Variants in PPP2R2A observed in about 807,000 individuals in gnomAD.
PPP2R2A encodes the protein serine/threonine-protein phosphatase 2A 55 kDa regulatory subunit B alpha isoform.
A neutral mutation model predicts 53.2 loss-of-function variants in PPP2R2A; 9 were observed. That is an observed-to-expected ratio of 0.17 (90% CI 0.10 to 0.30). The LOEUF (loss-of-function observed/expected upper bound fraction) is 0.30, where lower values mean the gene tolerates loss of function less well. PPP2R2A is among the 10% of genes least tolerant of loss of function. The pLI, the probability that PPP2R2A is intolerant of heterozygous loss-of-function variation, is 1.00. For missense variants in PPP2R2A, 235 were observed against 534.6 expected (o/e 0.44, Z 5.53); for synonymous variants, 169 against 174.2 (o/e 0.97, Z 0.23).
rs771837510 is a variant in PPP2R2A at position 26,366,410 on chromosome 8, A to T, written c.1064+4A>T. ...GTTGTTGGAATGGATCTGACAGGTA[A>T]TTAAGTCAAACCTCTCAAATATGAA... On this transcript the variant is annotated splice_donor_region_variant and intron_variant, in intron 9 of 9. Transcript: ENST00000380737. 3.8e-6 allele frequency: 6 copies of T among 1,566,862 alleles called. No homozygotes were observed. Among genetic ancestry groups the T allele is most frequent in the Non-Finnish European group, 4.3e-6 (5 of 1,156,998 alleles).
chr8:26,355,849 A>G (rs1428925172), intron 4 of PPP2R2A, among the ~76,000 whole-genome samples: 3 of 146,378 alleles, frequency 2.0e-5, no homozygotes, highest in South Asian at 2.3e-4. Context: ...CAGCCTGGGC[A>G]ACAGAGCGAG....
Position 26,362,559 on chromosome 8 carries a change from CAGT to C in PPP2R2A, c.638-124_638-122del. On this transcript the variant is annotated intron_variant, in intron 6 of 9. Transcript: ENST00000380737. The surrounding 1 kb of genome is among the most constrained non-coding windows in gnomAD (Gnocchi z 4.4). ...CCTTTGGAATTTATACTCATAAAAACAGTGGAGTGCAATTCAGAATTAATATTT... is the reference window on the plus strand; with the variant it reads ...CCTTTGGAATTTATACTCATAAAAACGGAGTGCAATTCAGAATTAATATTT... 1 of 836,814 alleles carries C rather than the reference CAGT, an allele frequency of 1.2e-6. No homozygotes were observed. 51.8% of individuals were successfully genotyped at this position (836,814 alleles called of 1,614,324 possible).
chr8:26,313,377 A>G (rs772396158), intron 2 of PPP2R2A, among the ~76,000 whole-genome samples: 1 of 152,120 alleles, frequency 6.6e-6, no homozygotes, highest in African/African-American at 2.4e-5. Context: ...AGCTGTTTTT[A>G]AAAGCAATCC....
chr8:26,315,691 G>GC (rs1389531127), intron 2 of PPP2R2A, among the ~76,000 whole-genome samples: 1 of 152,158 alleles, frequency 6.6e-6, no homozygotes, highest in Non-Finnish European at 1.5e-5. Flanking sequence ...CCTTTTGCAT[G>GC]CTCAGAGGTT....
At chr8:26,342,555 G>T (rs1002704439) in intron 3 of PPP2R2A, among the ~76,000 whole-genome samples, 1 of 152,168 alleles carries the variant, frequency 6.6e-6, no homozygotes, top group African/African-American at 2.4e-5. Context: ...GAGACTTTGT[G>T]ATGTACCCTG....
chr8:26,291,667 T>A lies in PPP2R2A; in HGVS notation c.-153T>A. ...TCCTGCCGGCTGGTCTGCCCGCCCC[T>A]CCTTCCTTTTCCCCCCGGCCCCCGT... On this transcript the variant is annotated 5_prime_UTR_variant, in exon 1 of 10. Coordinates refer to ENST00000380737, the MANE Select transcript of PPP2R2A (RefSeq NM_002717.4). 4.2e-6 allele frequency: 2 copies of A among 474,216 alleles called. No individual in the cohort carries two copies. Among genetic ancestry groups the A allele is most frequent in the Non-Finnish European group, 7.3e-6 (2 of 273,684 alleles). The allele number at this position is 474,216 out of a possible 1,614,324, so 29.4% of individuals were successfully genotyped here.
chr8:26,305,221 G>A (rs542410275), intron 2 of PPP2R2A, among the ~76,000 whole-genome samples: 1 of 152,272 alleles, frequency 6.6e-6, no homozygotes, highest in Admixed American at 6.5e-5. Context: ...CATCCCTGTT[G>A]TAGTATGTGA....
intron 2 of PPP2R2A, among the ~76,000 whole-genome samples, chr8:26,311,883 A>G (rs1023873379): frequency 2.0e-5 from 3 of 152,022 alleles, no homozygotes; most frequent in East Asian, 1.9e-4. Flanking sequence ...ACCCTTCACT[A>G]TTGGTGTCAG....
intron 2 of PPP2R2A, among the ~76,000 whole-genome samples, chr8:26,318,003 A>G (rs923640320): frequency 2.0e-5 from 3 of 152,160 alleles, no homozygotes; most frequent in Non-Finnish European, 4.4e-5. Context: ...TTCATAACCT[A>G]TTGTTTAGAA....
chr8:26,319,749 G>A lies in PPP2R2A; in HGVS notation c.83-19141G>A, dbSNP rs78293352. Among the ~76,000 whole-genome samples, 59 of 152,230 alleles carry A rather than the reference G, an allele frequency of 3.9e-4. No individual in the cohort carries two copies. In the East Asian group the frequency reaches 0.011, roughly 28 times the overall value. On this transcript the variant is annotated intron_variant, in intron 2 of 9. Transcript: ENST00000380737. The stretch of plus-strand genomic sequence containing the variant: ...GGATTTTTTTTTATTTATACAAAAA[G>A]TGCTTTAGGGATTTTGTTAGGAATT...
Position 26,292,427 on chromosome 8 carries a change from T to G in PPP2R2A, c.7+601T>G. 3 of 985,556 alleles carry G rather than the reference T, an allele frequency of 3.0e-6. No individual in the cohort carries two copies. In the South Asian group the frequency reaches 1.4e-4, roughly 46 times the overall value. The allele number at this position is 985,556 out of a possible 1,614,324, so 61.1% of individuals were successfully genotyped here. On this transcript the variant is annotated intron_variant, in intron 1 of 9. Coordinates refer to ENST00000380737, the MANE Select transcript of PPP2R2A (RefSeq NM_002717.4). The stretch of plus-strand genomic sequence containing the variant: ...TTTCTTCCCTTTTACCGCCGAAGAG[T>G]GCAAGGCCTTTCATGTACAGCAAGT...
At chr8:26,353,374 A>G (rs1451725546) in intron 3 of PPP2R2A, among the ~76,000 whole-genome samples, 1 of 152,248 alleles carries the variant, frequency 6.6e-6, no homozygotes, top group Non-Finnish European at 1.5e-5. Context: ...GGCTGCTGGA[A>G]AAAACAACCC....
At chr8:26,337,081 T>G (rs1457686883) in intron 2 of PPP2R2A, among the ~76,000 whole-genome samples, 1 of 152,110 alleles carries the variant, frequency 6.6e-6, no homozygotes, top group African/African-American at 2.4e-5. Context: ...ATAAAATAAG[T>G]AATGGGCAAC....
At chr8:26,343,526 C>T (rs13248514) in intron 3 of PPP2R2A, among the ~76,000 whole-genome samples, 110,397 of 151,460 alleles carry the variant, frequency 0.73, 40,497 homozygotes, top group East Asian at 0.88. Flanking sequence ...TGCACACCAC[C>T]ACACCTGGCT....
intron 2 of PPP2R2A, among the ~76,000 whole-genome samples, chr8:26,316,462 T>C (rs1802562120): frequency 6.6e-6 from 1 of 152,236 alleles, no homozygotes. Context: ...TTTAAAGAAC[T>C]TAATATATCA....
intron 2 of PPP2R2A, among the ~76,000 whole-genome samples, chr8:26,325,360 C>G (rs1181433939): frequency 1.3e-5 from 2 of 151,902 alleles, no homozygotes; most frequent in Non-Finnish European, 2.9e-5. Flanking sequence ...TTTCTCTTGC[C>G]GCCGCCATGT....
intron 1 of PPP2R2A, among the ~76,000 whole-genome samples, chr8:26,292,657 G>C (rs1439157634): frequency 6.6e-6 from 1 of 152,174 alleles, no homozygotes; most frequent in Admixed American, 6.5e-5. Context: ...AATTTAGCAA[G>C]GAATAGGGGT....
At chr8:26,292,120 G>C in intron 1 of PPP2R2A, 1 of 1,231,100 alleles carries the variant, frequency 8.1e-7, no homozygotes, top group Non-Finnish European at 1.0e-6. Context: ...GGTGCGTGCA[G>C]ATTTGTCCCT....
rs2046222 is a variant in PPP2R2A, at chr8:26,354,897, A to T, written c.346+264A>T. Among the ~76,000 whole-genome samples the T allele has an allele frequency of 6.6e-6, 1 of 152,172 alleles. No individual in the cohort carries two copies. Among genetic ancestry groups the T allele is most frequent in the Non-Finnish European group, 1.5e-5 (1 of 68,048 alleles). ...TATACCATTGGATTTAGGTCAGGTAATATTTCTGTCATTTCTCAGTCTCGT... is the reference window on the plus strand; with the variant it reads ...TATACCATTGGATTTAGGTCAGGTATTATTTCTGTCATTTCTCAGTCTCGT... On this transcript the variant is annotated intron_variant, in intron 4 of 9. Coordinates refer to ENST00000380737, the MANE Select transcript of PPP2R2A (RefSeq NM_002717.4). The surrounding 1 kb of genome is among the most constrained non-coding windows in gnomAD (Gnocchi z 4.6).
Sources: gnomAD v4.1 joint callset for allele counts (sites outside exome capture counted in the v4.1 genomes callset) on GRCh38, gnomAD v4.1.1 for gene constraint, Gnocchi (gnomAD v3.1) non-coding constraint, MANE v1.5 for transcripts, NCBI Gene and HGNC (gene_info 2026-07-23, HGNC 2026-07-21) for gene names.